PIEZO2: variants seen among roughly 807,000 people sequenced by gnomAD.
PIEZO2 encodes piezo-type mechanosensitive ion channel component 2.
A neutral mutation model predicts 337.3 loss-of-function variants in PIEZO2; 172 were observed. The ratio of observed to expected loss-of-function variants is 0.51; its 90% CI spans 0.45 to 0.58. PIEZO2 has a LOEUF of 0.58. PIEZO2 is among the 20% of genes least tolerant of loss of function. The pLI, the probability that PIEZO2 is intolerant of heterozygous loss-of-function variation, is 0.00. For missense variants in PIEZO2, 3,028 were observed against 3,391.3 expected, an observed-to-expected ratio of 0.89 and a Z score of 2.66; for synonymous variants, 1,251 against 1,228.5, an observed-to-expected ratio of 1.02 and a Z score of -0.38.
chr18:10,730,867 C>T (rs1370092646), intron 36 of PIEZO2, among the ~76,000 whole-genome samples: 1 of 152,114 alleles, frequency 6.6e-6, no homozygotes, highest in Non-Finnish European at 1.5e-5. Flanking sequence ...GCTGGGACTA[C>T]AGGCGTCCGC....
chr18:10,912,861 T>A (rs1337222058), intron 3 of PIEZO2, among the ~76,000 whole-genome samples: 1 of 152,194 alleles, frequency 6.6e-6, no homozygotes, highest in African/African-American at 2.4e-5. Flanking sequence ...AAATTTCGGA[T>A]GTGGATTAGA....
chr18:11,089,746 C>T (rs1028154066), intron 1 of PIEZO2, among the ~76,000 whole-genome samples: 8 of 152,180 alleles, frequency 5.3e-5, no homozygotes, highest in Admixed American at 5.2e-4. Context: ...TTGCAGGGGT[C>T]CTCAGGAGGA....
chr18:10,928,396 C>A (rs1484212649), intron 3 of PIEZO2, among the ~76,000 whole-genome samples: 1 of 152,204 alleles, frequency 6.6e-6, no homozygotes, highest in African/African-American at 2.4e-5. Context: ...CAGCTTAGGA[C>A]TCTCACTGAC....
At position 10,726,437 on chromosome 18, in the gene PIEZO2, C is replaced by G; in HGVS notation, c.5029+4970G>C. 2.6e-6 allele frequency: 4 copies of G among 1,529,790 alleles called. No homozygotes were observed. 94.8% of individuals were successfully genotyped at this position (1,529,790 alleles called of 1,614,324 possible). Reference sequence around the variant, plus strand: ...ACAACGCGGAGGGCCGGCTGCGGTACGGGCTACGGCCGGCGAACCCCACGA... The same window carrying G: ...ACAACGCGGAGGGCCGGCTGCGGTAGGGGCTACGGCCGGCGAACCCCACGA... On this transcript the variant is annotated intron_variant, in intron 36 of 55. Transcript: ENST00000674853. The surrounding 1 kb of genome is among the most constrained non-coding windows in gnomAD (Gnocchi z 5.9).
At position 10,828,542 on chromosome 18, in the gene PIEZO2, G is replaced by A. The variant is rs1231242946; in HGVS notation, c.918-21268C>T. Among the ~76,000 whole-genome samples the A allele has an allele frequency of 6.6e-6, 1 of 152,172 alleles. No individual in the cohort carries two copies. The highest frequency in any genetic ancestry group is 1.5e-5 in the Non-Finnish European group (1 of 68,020). On this transcript the variant is annotated intron_variant, in intron 7 of 55. Coordinates refer to ENST00000674853, the MANE Select transcript of PIEZO2 (RefSeq NM_001378183.1). This position sits in a 1 kb window ranked among gnomAD's most constrained non-coding sequence, Gnocchi z 4.1. ...TAGAAGGTAAAATATACATAAAGGT[G>A]TGAGTTCTAGGTGGATCATTGAATT...
At chr18:10,996,335 C>A (rs144401366) in intron 2 of PIEZO2, among the ~76,000 whole-genome samples, 28 of 152,202 alleles carry the variant, frequency 1.8e-4, no homozygotes, top group African/African-American at 6.7e-4. Context: ...TTCTTGAGTG[C>A]AAATATGTAT....
chr18:10,736,491 T>G, intron 34 of PIEZO2, 113 bp downstream of exon 34: 1 of 1,397,292 alleles, frequency 7.2e-7, no homozygotes, highest in Non-Finnish European at 9.4e-7. Context: ...AATCAGAAGC[T>G]TCGGGGAGCT....
chr18:11,042,129 G>T (rs1046320222), intron 2 of PIEZO2, among the ~76,000 whole-genome samples: 23 of 152,202 alleles, frequency 1.5e-4, no homozygotes, highest in Admixed American at 1.5e-3. Context: ...CTCTAAGGAT[G>T]ATCAAATATA....
chr18:11,018,331 T>C (rs978960576), intron 2 of PIEZO2, among the ~76,000 whole-genome samples: 1 of 150,244 alleles, frequency 6.7e-6, no homozygotes, highest in Non-Finnish European at 1.5e-5. Context: ...AGACCATATT[T>C]CCAAATAAGG....
chr18:10,704,100 G>A (rs1412716388), intron 42 of PIEZO2, among the ~76,000 whole-genome samples: 1 of 152,138 alleles, frequency 6.6e-6, no homozygotes. Context: ...GGGCAACTCT[G>A]GCCATTTATT....
At chr18:10,805,909 C>A (rs535658969) in intron 8 of PIEZO2, among the ~76,000 whole-genome samples, 4 of 152,208 alleles carry the variant, frequency 2.6e-5, no homozygotes, top group Admixed American at 6.5e-5. Flanking sequence ...CGGAGCCATG[C>A]GCCTCCTGCA....
intron 7 of PIEZO2, among the ~76,000 whole-genome samples, 187 bp from the exon 8 acceptor site, chr18:10,807,461 G>A (rs912495607): frequency 2.1e-4 from 32 of 152,164 alleles, no homozygotes; most frequent in Admixed American, 1.8e-3. Context: ...GGACATGTAT[G>A]TATAATATGC....
In PIEZO2 at chr18:11,092,682, T is replaced by G. The variant is rs1420119253; in HGVS notation, c.65-26460A>C. On this transcript the variant is annotated intron_variant, in intron 1 of 55. Transcript: ENST00000674853. This position sits in a 1 kb window ranked among gnomAD's most constrained non-coding sequence, Gnocchi z 4.5. ...GATCCAAACCTTGGATCCTGAAAAA[T>G]GTGAACAAAAAGAGCTTTGTCAAAC... is the stretch of plus-strand genomic sequence containing the variant. Among the ~76,000 whole-genome samples, 1 of 151,968 alleles carries G rather than the reference T, an allele frequency of 6.6e-6. No individual in the cohort carries two copies. The highest frequency in any genetic ancestry group is 1.5e-5 in the Non-Finnish European group (1 of 67,992).
chr18:10,992,022 T>G (rs116729401), intron 2 of PIEZO2, among the ~76,000 whole-genome samples: 73 of 152,386 alleles, frequency 4.8e-4, no homozygotes, highest in African/African-American at 1.7e-3. Context: ...GATGCATAAA[T>G]GTCTTCTTTC....
At chr18:10,832,583 C>T (rs1333332861) in intron 7 of PIEZO2, among the ~76,000 whole-genome samples, 1 of 152,168 alleles carries the variant, frequency 6.6e-6, no homozygotes, top group African/African-American at 2.4e-5. Context: ...GGGAGGGGTA[C>T]TTTGTCTACT....
At chr18:10,791,148 C>A in intron 14 of PIEZO2, 53 bp downstream of exon 14, 1 of 1,466,934 alleles carries the variant, frequency 6.8e-7, no homozygotes, top group South Asian at 1.3e-5. Flanking sequence ...GGCTCTTTCT[C>A]TGTAATTTTG....
chr18:10,700,703 A>C (rs1779657054), intron 43 of PIEZO2, among the ~76,000 whole-genome samples: 1 of 152,236 alleles, frequency 6.6e-6, no homozygotes, highest in Admixed American at 6.5e-5. Flanking sequence ...AAATTTAAAA[A>C]GTGAATTTCT....
intron 12 of PIEZO2, among the ~76,000 whole-genome samples, chr18:10,796,213 A>T (rs112159313): frequency 0.28 from 42,375 of 151,720 alleles, 6,948 homozygotes; most frequent in Middle Eastern, 0.41. Flanking sequence ...AAATAAAAAA[A>T]AAAAAAATTA....
intron 47 of PIEZO2, among the ~76,000 whole-genome samples, chr18:10,693,321 C>G (rs559027404): frequency 2.0e-5 from 3 of 150,574 alleles, no homozygotes; most frequent in African/African-American, 7.4e-5. Context: ...TCATATCTGC[C>G]GCATGGTTTT....
Sources: allele counts gnomAD v4.1 joint callset (sites outside exome capture counted in the v4.1 genomes callset), GRCh38; gene constraint gnomAD v4.1.1; non-coding constraint Gnocchi (gnomAD v3.1); transcripts MANE v1.5; gene names NCBI Gene and HGNC (gene_info 2026-07-23, HGNC 2026-07-21).